The following MPP4 variants were observed in gnomAD, a reference collection of about 807,000 sequenced individuals.
The protein encoded by MPP4 is MAGUK p55 scaffold protein 4.
MPP4 carries 91 observed loss-of-function variants against 98.3 expected under a neutral mutation model. That is an observed-to-expected ratio of 0.93 (90% CI 0.78 to 1.10). The LOEUF is 1.10. Among genes scored for constraint, MPP4 ranks in the 50% least tolerant of loss-of-function variants. The pLI is 0.00. For synonymous variants in MPP4, 261 were observed against 271.8 expected, an observed-to-expected ratio of 0.96 and a Z score of 0.39; for missense variants, 744 against 792.9, an observed-to-expected ratio of 0.94 and a Z score of 0.74.
At chr2:201,696,358 A>G (rs1574643405) in intron 1 of MPP4, among the ~76,000 whole-genome samples, 1 of 152,102 alleles carries the variant, frequency 6.6e-6, no homozygotes, top group Non-Finnish European at 1.5e-5. Flanking sequence ...CCTGGAGGGG[A>G]GCACTTCCAG....
chr2:201,653,375 CA>C (rs1687770248), intron 18 of MPP4, among the ~76,000 whole-genome samples: 1 of 152,074 alleles, frequency 6.6e-6, no homozygotes, highest in Admixed American at 6.5e-5. Context: ...GAGGGGGAAG[CA>C]AGCACACCCA....
intron 1 of MPP4, among the ~76,000 whole-genome samples, chr2:201,696,326 G>A (rs940805065): frequency 6.6e-6 from 1 of 152,200 alleles, no homozygotes; most frequent in Non-Finnish European, 1.5e-5. Flanking sequence ...CATCACAGCT[G>A]CATATCTGAC....
At chr2:201,679,729 T>C (rs72922790) in intron 10 of MPP4, among the ~76,000 whole-genome samples, 43,676 of 152,082 alleles carry the variant, frequency 0.29, 6,370 homozygotes, top group East Asian at 0.41. Context: ...CCATTACTTA[T>C]GCCATCTAAA....
chr2:201,675,276 G>T lies in MPP4; in HGVS notation c.930-5C>A, dbSNP rs533175841. ...CACCAGAATTCCCGTTGCTTCCTAT[G>T]GGGGGGAAAAAACCATGCGACAAAA... On this transcript the variant is annotated splice_region_variant and splice_polypyrimidine_tract_variant and intron_variant, in intron 10 of 21. Transcript: ENST00000409474. 48 of 1,605,082 alleles carry T rather than the reference G, an allele frequency of 3.0e-5. 1 individual carries two copies. Among genetic ancestry groups the T allele is most frequent in the South Asian group, 1.9e-4 (17 of 88,964 alleles).
At position 201,664,465 on chromosome 2, in the gene MPP4, G is replaced by T. The variant is rs1025844444; in HGVS notation, c.1052-364C>A. 8 of 890,070 alleles carry T rather than the reference G, an allele frequency of 9.0e-6. No individual in the cohort carries two copies. In the African/African-American group the frequency reaches 1.2e-4, roughly 14 times the overall value. The allele number at this position is 890,070 out of a possible 1,614,324, so 55.1% of individuals were successfully genotyped here. A position where few individuals can be genotyped will look rare whatever the true frequency, so the allele number is the denominator to read the frequency against. ...GATACTGCTCGGCTTTGCTGCAGAG[G>T]GCTTGCCGATGTAGGAGGGGTGCAC... On this transcript the variant is annotated intron_variant, in intron 13 of 21. Coordinates refer to ENST00000409474, the MANE Select transcript of MPP4 (RefSeq NM_033066.3).
chr2:201,687,106 G>A (rs928021339), intron 5 of MPP4, among the ~76,000 whole-genome samples, 185 bp downstream of exon 5: 1 of 152,212 alleles, frequency 6.6e-6, no homozygotes, highest in Non-Finnish European at 1.5e-5. Context: ...TTGACTGCAT[G>A]ATTGACAACA....
At chr2:201,681,667 G>A (rs563703953) in intron 8 of MPP4, 100 bp from the exon 9 acceptor site, 99 of 861,768 alleles carry the variant, frequency 1.1e-4, no homozygotes, top group Non-Finnish European at 3.8e-6. Context: ...AGGTCTCATG[G>A]TAAAATCCCC....
chr2:201,657,593 T>TTTTTTTTG (rs1395153047), intron 16 of MPP4, among the ~76,000 whole-genome samples: 1 of 116,688 alleles, frequency 8.6e-6, no homozygotes, highest in African/African-American at 3.8e-5. Context: ...GGCCCTTGTT[T>TTTTTTTTG]TTTTTTTGTT....
chr2:201,692,661 C>T (rs1689070047), intron 3 of MPP4, among the ~76,000 whole-genome samples: 1 of 152,088 alleles, frequency 6.6e-6, no homozygotes, highest in Non-Finnish European at 1.5e-5. Context: ...GCTGGCTAGC[C>T]CCTTCCATTA....
At chr2:201,664,448 T>C in intron 13 of MPP4, 2 of 1,062,880 alleles carry the variant, frequency 1.9e-6, no homozygotes, top group South Asian at 1.5e-5. Flanking sequence ...TGGATACTGC[T>C]CGGCTTTGCT....
intron 6 of MPP4, among the ~76,000 whole-genome samples, chr2:201,685,457 A>G (rs1319406667): frequency 6.6e-6 from 1 of 152,240 alleles, no homozygotes; most frequent in African/African-American, 2.4e-5. Flanking sequence ...AACCACACAG[A>G]CATAAAAGAA....
intron 5 of MPP4, 96 bp downstream of exon 5, chr2:201,687,195 A>G: frequency 9.8e-7 from 1 of 1,019,976 alleles, no homozygotes; most frequent in Non-Finnish European, 1.5e-6. Flanking sequence ...TAGAACATCT[A>G]TTCAGAGAGA....
At chr2:201,692,105 A>C (rs1202819915) in intron 3 of MPP4, among the ~76,000 whole-genome samples, 1 of 152,170 alleles carries the variant, frequency 6.6e-6, no homozygotes, top group Non-Finnish European at 1.5e-5. Flanking sequence ...CTAAGCGAAG[A>C]AGTTTGTGTA....
At chr2:201,671,472 C>T (rs1347016256) in intron 11 of MPP4, among the ~76,000 whole-genome samples, 2 of 152,152 alleles carry the variant, frequency 1.3e-5, no homozygotes, top group African/African-American at 4.8e-5. Flanking sequence ...GATAAAGAGT[C>T]AGGACCCATC....
At position 201,650,164 on chromosome 2, in the gene MPP4, G is replaced by A; in HGVS notation, c.1383C>T (p.His461=). The A allele has an allele frequency of 6.4e-7, 1 of 1,561,712 alleles. No homozygotes were observed. Among genetic ancestry groups the A allele is most frequent in the African/African-American group, 1.4e-5 (1 of 74,036 alleles). Residue 461 remains histidine (H), a splice_region_variant and synonymous_variant, in exon 19 of 22, where the codon CAC becomes CAT. Coordinates refer to ENST00000409474, the MANE Select transcript of MPP4 (RefSeq NM_033066.3). ...NPSHFQSAVP[H]TTRTKKSYEM... The stretch of plus-strand genomic sequence containing the variant: ...CGTAACTCTTTTTAGTACGAGTAGT[G>A]TCTATCAGAAAAAGGGAATGAAAGG...
intron 11 of MPP4, among the ~76,000 whole-genome samples, chr2:201,670,548 T>C (rs1337339225): frequency 3.3e-5 from 5 of 152,044 alleles, no homozygotes; most frequent in African/African-American, 1.2e-4. Context: ...CTAATATAAA[T>C]CACACAGGCC....
chr2:201,656,775 CG>C (rs1438438906), intron 16 of MPP4, among the ~76,000 whole-genome samples: 1 of 152,096 alleles, frequency 6.6e-6, no homozygotes, highest in African/African-American at 2.4e-5. Context: ...GAAAGGTTGG[CG>C]TTGAGCAGAC....
At chr2:201,667,730 T>C (rs1412057840) in intron 12 of MPP4, among the ~76,000 whole-genome samples, 1 of 152,188 alleles carries the variant, frequency 6.6e-6, no homozygotes, top group Non-Finnish European at 1.5e-5. Flanking sequence ...AAAAGTGTAG[T>C]CCAAAGTATA....
intron 11 of MPP4, among the ~76,000 whole-genome samples, chr2:201,673,820 G>A (rs1051437449): frequency 6.6e-5 from 10 of 152,150 alleles, no homozygotes; most frequent in Admixed American, 2.6e-4. Context: ...GGCTTGCCCC[G>A]GGCAGATCTG....
Sources: gnomAD v4.1 joint callset for allele counts (sites outside exome capture counted in the v4.1 genomes callset) on GRCh38, gnomAD v4.1.1 for gene constraint, MANE v1.5 for transcripts, NCBI Gene and HGNC (gene_info 2026-07-23, HGNC 2026-07-21) for gene names.